LHX8: variants seen among roughly 807,000 people sequenced by gnomAD.
LHX8 encodes LIM/homeobox protein Lhx8.
LHX8 carries 12 observed loss-of-function variants against 40.3 expected under a neutral mutation model. The ratio of observed to expected loss-of-function variants is 0.30; its 90% CI spans 0.19 to 0.48. The LOEUF (loss-of-function observed/expected upper bound fraction) is 0.48, where lower values mean the gene tolerates loss of function less well. Ranked by LOEUF, LHX8 falls within the 20% of genes least tolerant of loss-of-function variation. The pLI is 0.99. For missense variants in LHX8, 344 were observed against 433.7 expected (o/e 0.79, Z 1.84); for synonymous variants, 179 against 162.0 (o/e 1.10, Z -0.80).
At position 75,136,586 on chromosome 1, in the gene LHX8, C is replaced by T; in HGVS notation, c.-12-17C>T. On this transcript the variant is annotated splice_polypyrimidine_tract_variant and intron_variant, in intron 1 of 8. Coordinates refer to ENST00000356261, the MANE Select transcript of LHX8 (RefSeq NM_001256114.2). ...CTGATCTGTTTCTCCATACTTTCTC[C>T]CCCTCCTACTCCGCAGTGTCAGGGG... is the stretch of plus-strand genomic sequence containing the variant. 1 of 1,529,684 alleles carries T rather than the reference C, an allele frequency of 6.5e-7. No individual in the cohort carries two copies. The highest frequency in any genetic ancestry group is 2.5e-5 in the East Asian group (1 of 40,764). 94.8% of individuals were successfully genotyped at this position (1,529,684 alleles called of 1,614,324 possible). A position where few individuals can be genotyped will look rare whatever the true frequency, so the allele number is the denominator to read the frequency against.
Position 75,136,699 on chromosome 1 carries a change from G to T in LHX8, c.75+10G>T, listed in dbSNP as rs71500673. On this transcript the variant is annotated intron_variant, in intron 2 of 8. Coordinates refer to ENST00000356261, the MANE Select transcript of LHX8 (RefSeq NM_001256114.2). ...CGGGGAAGAGGGACTGGTGAGTGCGGAGGGGCTCGCGTGCTGGCAAGACTG... is the reference window on the plus strand; with the variant it reads ...CGGGGAAGAGGGACTGGTGAGTGCGTAGGGGCTCGCGTGCTGGCAAGACTG... 385,397 of 1,539,176 alleles carry T rather than the reference G, an allele frequency of 0.25. 52,789 individuals are homozygous for T. Among genetic ancestry groups the T allele is most frequent in the Middle Eastern group, 0.3 (1,601 of 5,320 alleles).
At chr1:75,191,578 A>G in the LHX8 span, among the ~76,000 whole-genome samples, 96 of 152,144 alleles carry the variant, frequency 6.3e-4, no homozygotes, top group Non-Finnish European at 1.2e-3. Context: ...ACCCCACTGA[A>G]CAGAAATCTC....
chr1:75,136,988 G>A (rs1329017302), intron 2 of LHX8, 112 bp from the exon 3 acceptor site: 1 of 1,219,860 alleles, frequency 8.2e-7, no homozygotes, highest in Non-Finnish European at 1.1e-6. Context: ...TGGGGGTGGG[G>A]TGGGGTGGCC....
chr1:75,163,249 C>G (rs554756068), downstream of LHX8, among the ~76,000 whole-genome samples: 4 of 152,160 alleles, frequency 2.6e-5, no homozygotes, highest in Admixed American at 6.5e-5. Flanking sequence ...AATCACAGCT[C>G]ATGCTTTTAA....
the LHX8 span, among the ~76,000 whole-genome samples, chr1:75,174,960 C>T: frequency 2.0e-5 from 3 of 152,144 alleles, no homozygotes; most frequent in African/African-American, 7.2e-5. Context: ...TATCCCTCAC[C>T]CCCTCCTACC....
chr1:75,158,193 C>T (rs978663651), intron 8 of LHX8, among the ~76,000 whole-genome samples: 2 of 152,192 alleles, frequency 1.3e-5, no homozygotes, highest in African/African-American at 4.8e-5. Flanking sequence ...TTGTGAAGAG[C>T]TGTACAAGTC....
chr1:75,178,134 C>A, the LHX8 span, among the ~76,000 whole-genome samples: 1 of 152,048 alleles, frequency 6.6e-6, no homozygotes, highest in African/African-American at 2.4e-5. Context: ...GTCTAAAATT[C>A]TCTTTTTTTA....
chr1:75,193,389 C>A, the LHX8 span, among the ~76,000 whole-genome samples: 6 of 152,190 alleles, frequency 3.9e-5, no homozygotes, highest in Non-Finnish European at 7.4e-5. Flanking sequence ...GCAGCAGAAT[C>A]ACCTGTGGAT....
chr1:75,181,078 G>T, the LHX8 span, among the ~76,000 whole-genome samples: 1 of 152,146 alleles, frequency 6.6e-6, no homozygotes, highest in Non-Finnish European at 1.5e-5. Context: ...CCTTCCTCTG[G>T]AAGCTTTGTC....
the LHX8 span, among the ~76,000 whole-genome samples, chr1:75,173,100 A>C: frequency 2.0e-5 from 3 of 152,138 alleles, no homozygotes; most frequent in Admixed American, 6.5e-5. Context: ...GTCTTTTGGG[A>C]GATTCCATTT....
downstream of LHX8, among the ~76,000 whole-genome samples, chr1:75,165,145 C>CGA (rs1649005181): frequency 6.6e-6 from 1 of 152,124 alleles, no homozygotes; most frequent in African/African-American, 2.4e-5. Flanking sequence ...ACCTGGCACT[C>CGA]TATCATATTC....
At chr1:75,133,292 A>G (rs12079504), upstream of LHX8, among the ~76,000 whole-genome samples, 345 of 151,792 alleles carry the variant, frequency 2.3e-3, 1 homozygote, top group African/African-American at 7.6e-3. Context: ...TCGGTCCCAG[A>G]CTCTTACACA....
the LHX8 span, among the ~76,000 whole-genome samples, chr1:75,193,155 CCTTT>C: frequency 6.6e-6 from 1 of 152,194 alleles, no homozygotes; most frequent in Non-Finnish European, 1.5e-5. Context: ...CAAATTATCA[CCTTT>C]CTATCATCCC....
At chr1:75,130,488 T>C (rs953238971), upstream of LHX8, 3 of 601,464 alleles carry the variant, frequency 5.0e-6, no homozygotes, top group Non-Finnish European at 6.0e-6. Context: ...TGGAGCAGGC[T>C]TGCCCAGCTG....
intron 3 of LHX8, among the ~76,000 whole-genome samples, chr1:75,140,554 A>G (rs1004790991): frequency 1.3e-5 from 2 of 152,172 alleles, no homozygotes; most frequent in Admixed American, 1.3e-4. Context: ...TAGCCAAAAA[A>G]TAGGTTGAGA....
intron 7 of LHX8, among the ~76,000 whole-genome samples, chr1:75,149,345 G>T (rs142424387): frequency 6.6e-6 from 1 of 152,334 alleles, no homozygotes; most frequent in Non-Finnish European, 1.5e-5. Flanking sequence ...TCTCTTATGA[G>T]CAGGTAAAAG....
chr1:75,135,954 G>A (rs1648112334), intron 1 of LHX8, among the ~76,000 whole-genome samples: 1 of 152,180 alleles, frequency 6.6e-6, no homozygotes, highest in South Asian at 2.1e-4. Flanking sequence ...TTACGAAAGA[G>A]CTGCTGGCTC....
chr1:75,148,217 A>AT (rs1648513351), intron 6 of LHX8, among the ~76,000 whole-genome samples: 1 of 152,318 alleles, frequency 6.6e-6, no homozygotes, highest in South Asian at 2.1e-4. Context: ...ATGTGATATG[A>AT]TTTTTGTATT....
chr1:75,198,687 T>C, the LHX8 span, among the ~76,000 whole-genome samples: 15,742 of 152,212 alleles, frequency 0.1, 1,268 homozygotes, highest in African/African-American at 0.22. Context: ...ACTCATACTA[T>C]TGATCTGCCA....
Sources: allele counts gnomAD v4.1 joint callset (sites outside exome capture counted in the v4.1 genomes callset), GRCh38; gene constraint gnomAD v4.1.1; transcripts MANE v1.5; gene names NCBI Gene and HGNC (gene_info 2026-07-23, HGNC 2026-07-21).